Variants in FAM53A observed in about 807,000 individuals in gnomAD.
FAM53A encodes the protein protein FAM53A.
A neutral mutation model predicts 26.6 loss-of-function variants in FAM53A; 28 were observed. The observed-to-expected ratio is 1.05, with a 90% CI of 0.78 to 1.45. The LOEUF (loss-of-function observed/expected upper bound fraction) is 1.45. FAM53A is among the 40% of genes most tolerant of loss of function. The pLI, the probability that FAM53A is intolerant of heterozygous loss-of-function variation, is 0.00. For synonymous variants in FAM53A, 290 were observed against 253.1 expected (o/e 1.15, Z -1.38); for missense variants, 650 against 575.8 (o/e 1.13, Z -1.32).
the FAM53A span, among the ~76,000 whole-genome samples, chr4:1,581,453 A>G: frequency 1.9e-4 from 29 of 152,378 alleles, no homozygotes; most frequent in African/African-American, 7.0e-4. Context: ...CAAATGTTCT[A>G]GAAATCGGTC....
chr4:1,606,102 G>A, the FAM53A span, among the ~76,000 whole-genome samples: 9 of 150,000 alleles, frequency 6.0e-5, no homozygotes, highest in African/African-American at 2.2e-4. Flanking sequence ...GCAGTGGCGC[G>A]ATCTCAACTT....
At chr4:1,589,660 TA>T in the FAM53A span, among the ~76,000 whole-genome samples, 1 of 152,216 alleles carries the variant, frequency 6.6e-6, no homozygotes, top group East Asian at 1.9e-4. Context: ...TTTGGCACTT[TA>T]TATTTTTACA....
At chr4:1,648,819 G>A (rs17131986) in intron 4 of FAM53A, among the ~76,000 whole-genome samples, 13,117 of 152,220 alleles carry the variant, frequency 0.086, 1,647 homozygotes, top group African/African-American at 0.27. Flanking sequence ...AGTCACTGAA[G>A]AAAACGGGGC....
chr4:1,624,559 G>T, intron 1 of FAM53A, among the ~76,000 whole-genome samples: 1 of 152,198 alleles, frequency 6.6e-6, no homozygotes, highest in East Asian at 1.9e-4. Context: ...CCTGTAGGAA[G>T]ATTCCCACTC....
At chr4:1,600,420 C>T in the FAM53A span, among the ~76,000 whole-genome samples, 1 of 152,136 alleles carries the variant, frequency 6.6e-6, no homozygotes, top group Non-Finnish European at 1.5e-5. Context: ...GCCACTCTCC[C>T]TCTAACCCTC....
downstream of FAM53A, among the ~76,000 whole-genome samples, chr4:1,614,190 G>A (rs562892887): frequency 3.9e-5 from 6 of 152,300 alleles, no homozygotes; most frequent in East Asian, 1.9e-4. Context: ...CAGGCTGCGC[G>A]CAGCCCATCC....
At chr4:1,652,365 C>T (rs1712917883) in intron 4 of FAM53A, among the ~76,000 whole-genome samples, 1 of 141,210 alleles carries the variant, frequency 7.1e-6, no homozygotes, top group African/African-American at 2.6e-5. Flanking sequence ...GTCACACGCA[C>T]AACACACACA....
the FAM53A span, among the ~76,000 whole-genome samples, chr4:1,612,543 C>T: frequency 2.6e-5 from 4 of 152,132 alleles, no homozygotes; most frequent in Admixed American, 6.5e-5. Context: ...CACACCCACA[C>T]GGACCTGCAC....
intron 1 of FAM53A, chr4:1,683,907 C>G (rs1244697111): frequency 6.6e-6 from 1 of 152,270 alleles, no homozygotes; most frequent in Non-Finnish European, 1.5e-5. Context: ...CCGGGGAAGT[C>G]TGGCCTCCCG....
Position 1,631,317 on chromosome 4 carries a change from C to A in FAM53A, c.432-13206G>T, listed in dbSNP as rs566185921. 4.8e-4 allele frequency among the ~76,000 whole-genome samples: 73 copies of A among 152,366 alleles called. 2 individuals carry two copies. Among genetic ancestry groups the A allele is most frequent in the African/African-American group, 1.3e-3 (56 of 41,602 alleles). ...CAGGCCTGCTGTGGGCAGCAAAGGT[C>A]TCCATCAACCCCATGTCCCAGGCAA... is the stretch of plus-strand genomic sequence containing the variant. On this transcript the variant is annotated intron_variant, in intron 1 of 1. Transcript: ENST00000489029.
intron 4 of FAM53A, chr4:1,644,508 A>T (rs892001864): frequency 2.2e-6 from 2 of 894,822 alleles, no homozygotes; most frequent in African/African-American, 3.4e-5. Context: ...AGACGGTGGA[A>T]ACCGAGGCCC....
At chr4:1,669,932 G>C (rs1237402572) in intron 1 of FAM53A, among the ~76,000 whole-genome samples, 1 of 152,228 alleles carries the variant, frequency 6.6e-6, no homozygotes, top group Non-Finnish European at 1.5e-5. Flanking sequence ...TTTCCGGCCA[G>C]TCTTCTGGGG....
intron 4 of FAM53A, among the ~76,000 whole-genome samples, chr4:1,647,314 G>A (rs1294385998): frequency 4.0e-5 from 6 of 150,276 alleles, no homozygotes; most frequent in African/African-American, 1.5e-4. Context: ...CAGCCCGGGT[G>A]ACAGAGCGAG....
Position 1,659,795 on chromosome 4 carries a change from G to C in FAM53A, c.76-2327C>G, listed in dbSNP as rs1352867071. On this transcript the variant is annotated intron_variant, in intron 2 of 4. Transcript: ENST00000308132. The surrounding 1 kb of genome is among the most constrained non-coding windows in gnomAD (Gnocchi z 5.2). ...TGGTTCACAGACGGCTCTTCCGGTT[G>C]TATCTATGCATGGTCGAAGGGGCTG... is the stretch of plus-strand genomic sequence containing the variant. 6.6e-6 allele frequency among the ~76,000 whole-genome samples: 1 copy of C among 152,238 alleles called. No individual in the cohort carries two copies. The highest frequency in any genetic ancestry group is 1.9e-4 in the East Asian group (1 of 5,202).
the FAM53A span, among the ~76,000 whole-genome samples, chr4:1,600,499 C>G: frequency 6.6e-6 from 1 of 152,050 alleles, no homozygotes. Context: ...CCCACCCACC[C>G]GAGGCCCTGG....
chr4:1,583,829 A>G, the FAM53A span, among the ~76,000 whole-genome samples: 3 of 152,224 alleles, frequency 2.0e-5, no homozygotes, highest in African/African-American at 7.2e-5. Context: ...TCCTTGGCCC[A>G]CATCCTTGTC....
At chr4:1,674,523 G>A (rs941673096) in intron 1 of FAM53A, among the ~76,000 whole-genome samples, 8 of 152,098 alleles carry the variant, frequency 5.3e-5, no homozygotes, top group Non-Finnish European at 8.8e-5. Flanking sequence ...TAAAAAATTA[G>A]CTGGGTGTGG....
downstream of FAM53A, among the ~76,000 whole-genome samples, chr4:1,635,905 G>A (rs928015464): frequency 2.1e-5 from 3 of 142,480 alleles, no homozygotes; most frequent in Non-Finnish European, 4.5e-5. Context: ...GTGCAGTGGC[G>A]CGATCTCGGC....
chr4:1,589,051 C>T, the FAM53A span, among the ~76,000 whole-genome samples: 5 of 152,272 alleles, frequency 3.3e-5, no homozygotes, highest in East Asian at 3.9e-4. Flanking sequence ...TCCTTTATCT[C>T]GTACTCGCTT....
Sources: allele counts gnomAD v4.1 joint callset (sites outside exome capture counted in the v4.1 genomes callset), GRCh38; gene constraint gnomAD v4.1.1; non-coding constraint Gnocchi (gnomAD v3.1); transcripts MANE v1.5; gene names NCBI Gene and HGNC (gene_info 2026-07-23, HGNC 2026-07-21).